The following SNW1 variants were observed in gnomAD, a reference collection of about 807,000 sequenced individuals.
The protein encoded by SNW1 is SNW domain-containing protein 1.
Under a neutral mutation model 75.6 loss-of-function variants are expected in SNW1, and 9 were observed. That is an observed-to-expected ratio of 0.12 (90% CI 0.07 to 0.21). SNW1 has a LOEUF of 0.21. SNW1 is among the 10% of genes least tolerant of loss of function. The pLI, the probability that SNW1 is intolerant of heterozygous loss-of-function variation, is 1.00. For missense variants in SNW1, 409 were observed against 670.9 expected, an observed-to-expected ratio of 0.61 and a Z score of 4.31; for synonymous variants, 200 against 219.1, an observed-to-expected ratio of 0.91 and a Z score of 0.77.
At chr14:77,731,443 C>G (rs1268851848) in intron 9 of SNW1, among the ~76,000 whole-genome samples, 1 of 152,242 alleles carries the variant, frequency 6.6e-6, no homozygotes, top group Non-Finnish European at 1.5e-5. Context: ...CATAGTGGCT[C>G]TCTCCTGCAA....
At chr14:77,725,198 G>A (rs183829692) in intron 10 of SNW1, among the ~76,000 whole-genome samples, 27 of 152,068 alleles carry the variant, frequency 1.8e-4, no homozygotes, top group Non-Finnish European at 3.8e-4. Flanking sequence ...AGATTATCTC[G>A]TTTCTTTGCG....
intron 3 of SNW1, among the ~76,000 whole-genome samples, chr14:77,741,064 T>C (rs1307994151): frequency 2.5e-5 from 3 of 121,556 alleles, no homozygotes; most frequent in Non-Finnish European, 4.7e-5. Flanking sequence ...GCCATTGCAC[T>C]CCAGCCTGAG....
At chr14:77,740,211 T>C (rs1054293149) in intron 3 of SNW1, among the ~76,000 whole-genome samples, 26 of 151,024 alleles carry the variant, frequency 1.7e-4, no homozygotes, top group Admixed American at 6.6e-5. Context: ...TTTAATGCTT[T>C]AGTCAGAAAT....
intron 5 of SNW1, among the ~76,000 whole-genome samples, chr14:77,738,006 A>AAT (rs900019386): frequency 6.6e-6 from 1 of 150,610 alleles, no homozygotes; most frequent in Non-Finnish European, 1.5e-5. Flanking sequence ...AAAAAAAAAA[A>AAT]AAAAGAAAAT....
chr14:77,719,111 C>G (rs2080516289), intron 12 of SNW1, among the ~76,000 whole-genome samples: 1 of 152,040 alleles, frequency 6.6e-6, no homozygotes, highest in Non-Finnish European at 1.5e-5. Flanking sequence ...GCCATATTGC[C>G]CAGGCCGGTC....
At chr14:77,757,179 G>A (rs993223152) in intron 1 of SNW1, among the ~76,000 whole-genome samples, 8 of 151,604 alleles carry the variant, frequency 5.3e-5, no homozygotes, top group African/African-American at 1.9e-4. Flanking sequence ...TGCTAGGCAT[G>A]AGACTATAAA....
intron 2 of SNW1, among the ~76,000 whole-genome samples, chr14:77,751,849 A>ACACAC (rs1566836279): frequency 3.1e-4 from 41 of 132,524 alleles, no homozygotes; most frequent in Non-Finnish European, 5.2e-4. Flanking sequence ...CACACACCAC[A>ACACAC]CACACACACA....
In SNW1 at chr14:77,750,502, G is replaced by A. The variant is rs200458694; in HGVS notation, c.330+817C>T. Reference sequence around the variant, plus strand: ...TCCCCCAAAGCTCAGCAGCCATGATGCAGAAGCAAAGGATGGGTTGTTAGT... The same window carrying A: ...TCCCCCAAAGCTCAGCAGCCATGATACAGAAGCAAAGGATGGGTTGTTAGT... On this transcript the variant is annotated intron_variant, in intron 3 of 13. Transcript: ENST00000261531. Among the ~76,000 whole-genome samples, 68 of 152,298 alleles carry A rather than the reference G, an allele frequency of 4.5e-4. No homozygotes were observed. In the East Asian group the frequency reaches 0.01, roughly 23 times the overall value.
intron 7 of SNW1, among the ~76,000 whole-genome samples, 167 bp from the exon 8 acceptor site, chr14:77,735,179 C>T (rs2080660853): frequency 6.6e-6 from 1 of 152,166 alleles, no homozygotes; most frequent in South Asian, 2.1e-4. Context: ...CCATATAATT[C>T]TAGTAATAAC....
At position 77,737,068 on chromosome 14, in the gene SNW1, G is replaced by A; in HGVS notation, c.541C>T (p.Pro181Ser). 1 of 1,612,012 alleles carries A rather than the reference G, an allele frequency of 6.2e-7. No homozygotes were observed. Among genetic ancestry groups the A allele is most frequent in the Non-Finnish European group, 8.5e-7 (1 of 1,178,252 alleles). The change falls in exon 6 of 14, where the codon CCA becomes TCA. Residue 181 changes from proline (P) to serine (S), a missense_variant. Pro to Ser is a moderately conservative substitution (Grantham distance 74). Transcript: ENST00000261531. ...TTGAATGCCACTCCTTGCTGAGATG[G>A]TGTGTATCTGAAGAAAGCAGATAAA... ...LAPAQYIRYT[P>S]SQQGVAFNSG...
chr14:77,747,020 G>GA (rs1278208495), intron 3 of SNW1, among the ~76,000 whole-genome samples: 1 of 151,816 alleles, frequency 6.6e-6, no homozygotes, highest in Non-Finnish European at 1.5e-5. Flanking sequence ...CTCCCTGCCT[G>GA]ATTCTCCTGC....
At chr14:77,727,691 A>C (rs2080596598) in intron 10 of SNW1, among the ~76,000 whole-genome samples, 1 of 152,224 alleles carries the variant, frequency 6.6e-6, no homozygotes. Flanking sequence ...TATCACATTT[A>C]CTGATTTGCA....
At chr14:77,746,088 T>G (rs992829017) in intron 3 of SNW1, among the ~76,000 whole-genome samples, 21 of 152,358 alleles carry the variant, frequency 1.4e-4, no homozygotes, top group African/African-American at 5.1e-4. Context: ...TGGCTAAAAC[T>G]GAACTATTTA....
chr14:77,737,904 A>C (rs1343019552), intron 5 of SNW1, among the ~76,000 whole-genome samples: 1 of 147,120 alleles, frequency 6.8e-6, no homozygotes, highest in African/African-American at 2.5e-5. Context: ...AGGCAGGAGA[A>C]TCGCTTGAAC....
intron 9 of SNW1, 26 bp from the exon 10 acceptor site, chr14:77,731,155 A>C: frequency 6.2e-7 from 1 of 1,610,460 alleles, no homozygotes; most frequent in Non-Finnish European, 8.5e-7. Flanking sequence ...CATGTTAAAC[A>C]GGACACTATC....
rs765326782 is a variant in SNW1 at position 77,720,794 on chromosome 14, T to C, written c.1165A>G (p.Ser389Gly). 4.3e-6 allele frequency: 7 copies of C among 1,613,780 alleles called. No homozygotes were observed. In the South Asian group the frequency reaches 7.7e-5, roughly 18 times the overall value. The change falls in exon 12 of 14, where the codon AGT becomes GGT. Residue 389 changes from serine (S) to glycine (G), a missense_variant. Around this residue, in one of 9 missense-constraint regions of SNW1, gnomAD observed 126 missense variants for 167.6 expected, o/e 0.75. Transcript: ENST00000261531. ...GGAACACCGAGAGCAATAACTTCAC[T>C]GATATCCCGATTTTCATTTCTCTGA... ...KLQRNENRDI[S>G]EVIALGVPNP...
intron 3 of SNW1, among the ~76,000 whole-genome samples, chr14:77,747,753 G>A (rs978389915): frequency 6.6e-6 from 1 of 151,084 alleles, no homozygotes; most frequent in African/African-American, 2.4e-5. Context: ...GAGGGAGGTG[G>A]GGGCCAGCCC....
chr14:77,759,244 C>CA (rs1428899673), intron 1 of SNW1, among the ~76,000 whole-genome samples: 1 of 152,184 alleles, frequency 6.6e-6, no homozygotes, highest in Non-Finnish European at 1.5e-5. Context: ...TGTGGTGGCT[C>CA]ACGCCAGTAA....
At chr14:77,731,254 T>A in intron 9 of SNW1, 125 bp from the exon 10 acceptor site, 1 of 1,054,664 alleles carries the variant, frequency 9.5e-7, no homozygotes, top group Non-Finnish European at 1.3e-6. Flanking sequence ...TTATTGCTAA[T>A]TAAAACAAAG....
Sources: allele counts gnomAD v4.1 joint callset (sites outside exome capture counted in the v4.1 genomes callset), GRCh38; gene constraint gnomAD v4.1.1; regional missense constraint gnomAD v4.1.1; transcripts MANE v1.5; gene names NCBI Gene and HGNC (gene_info 2026-07-23, HGNC 2026-07-21).